The following AFAP1 variants were observed in gnomAD, a reference collection of about 807,000 sequenced individuals.
AFAP1 encodes actin filament associated protein 1, also known as actin filament-associated protein 1.
Under a neutral mutation model 93.9 loss-of-function variants are expected in AFAP1, and 75 were observed. That is an observed-to-expected ratio of 0.80 (90% confidence interval 0.66 to 0.97). AFAP1 has a LOEUF of 0.97. Ranked by LOEUF, AFAP1 falls within the 50% of genes least tolerant of loss-of-function variation. The probability of loss-of-function intolerance (pLI) is 0.00; values close to 1 mark genes in which losing one functional copy is unlikely to be tolerated. For synonymous variants in AFAP1, 517 were observed against 430.7 expected, an observed-to-expected ratio of 1.20 and a Z score of -2.48; for missense variants, 1,201 against 1,050.8, an observed-to-expected ratio of 1.14 and a Z score of -1.98.
chr4:7,851,563 G>A (rs572036989), intron 4 of AFAP1, among the ~76,000 whole-genome samples: 2 of 152,318 alleles, frequency 1.3e-5, no homozygotes, highest in African/African-American at 2.4e-5. Flanking sequence ...TGATACTCGG[G>A]TAAATACCAC....
intron 1 of AFAP1, among the ~76,000 whole-genome samples, chr4:7,914,220 A>AT (rs377657549): frequency 4.6e-5 from 7 of 152,010 alleles, no homozygotes; most frequent in African/African-American, 1.4e-4. Context: ...ACGCCCAGCT[A>AT]ATTTTTGTAT....
chr4:7,872,036 G>A lies in AFAP1; in HGVS notation c.43C>T (p.Leu15=). The A allele has an allele frequency of 6.2e-7, 1 of 1,614,094 alleles. No homozygotes were observed. The highest frequency in any genetic ancestry group is 2.2e-5 in the East Asian group (1 of 44,868). The change falls in exon 2 of 18, where the codon CTG becomes TTG. Residue 15 remains leucine (L), a synonymous_variant. Transcript: ENST00000420658. ...IVELRLFLEL[L]DHEYLTSTVR... Reference sequence around the variant, plus strand: ...GTTGAGGTTAGATATTCATGGTCCAGGAGTTCAAGAAAGAGACGAAGTTCA... The same window carrying A: ...GTTGAGGTTAGATATTCATGGTCCAAGAGTTCAAGAAAGAGACGAAGTTCA...
intron 14 of AFAP1, chr4:7,775,428 C>CG (rs1215244888): frequency 6.5e-6 from 1 of 152,734 alleles, no homozygotes; most frequent in African/African-American, 2.4e-5. Flanking sequence ...ATTCTATAAT[C>CG]GGAAAAGACA....
chr4:7,871,738 G>A (rs1450380542), intron 2 of AFAP1, among the ~76,000 whole-genome samples: 4 of 152,182 alleles, frequency 2.6e-5, no homozygotes, highest in South Asian at 4.1e-4. Context: ...CCCAAAACAC[G>A]ATTCCATTAG....
intron 6 of AFAP1, among the ~76,000 whole-genome samples, chr4:7,827,568 C>A (rs1721535262): frequency 3.0e-4 from 4 of 13,392 alleles, no homozygotes; most frequent in East Asian, 1.0e-3. Context: ...AACTCTGTCT[C>A]CAAAAAAAAA....
At chr4:7,782,005 G>C (rs1189287667) in intron 12 of AFAP1, among the ~76,000 whole-genome samples, 1 of 152,196 alleles carries the variant, frequency 6.6e-6, no homozygotes, top group African/African-American at 2.4e-5. Context: ...CTGGGGTTCA[G>C]AAGTTCTCCT....
In AFAP1 at chr4:7,778,719, T is replaced by G. The variant is rs746125562; in HGVS notation, c.1897+43A>C. ...CTCAGACAGGCCCAGCTCCACCAAG[T>G]GCACTTGAAGCCGGAATGCAAGACA... On this transcript the variant is annotated intron_variant, in intron 14 of 17. Transcript: ENST00000420658. The G allele has an allele frequency of 8.2e-6, 13 of 1,582,390 alleles. No homozygotes were observed. In the Middle Eastern group the frequency reaches 5.0e-4, roughly 61 times the overall value.
intron 15 of AFAP1, 38 bp from the exon 16 acceptor site, chr4:7,773,048 C>T: frequency 6.3e-7 from 1 of 1,586,368 alleles, no homozygotes; most frequent in East Asian, 2.3e-5. Context: ...CCGCGGCAGG[C>T]ACAGGTTCTC....
Position 7,773,002 on chromosome 4 carries a change from G to A in AFAP1, c.2071C>T (p.Pro691Ser), listed in dbSNP as rs1311126342. Residue 691 changes from proline to serine, a missense_variant, in exon 16 of 18, where the codon CCG (proline) becomes TCG (serine). Transcript: ENST00000420658. Reference protein sequence around the residue: ...AAIEVNAGRKPQAILEEKLKQ... With the variant: ...AAIEVNAGRKSQAILEEKLKQ... ...AGCTTCTCCTCCAGGATCGCCTGCG[G>A]CTTCCTGCCTGGAATTCCCAGAAAC... is the stretch of plus-strand genomic sequence containing the variant. 6.2e-7 allele frequency: 1 copy of A among 1,609,172 alleles called. No homozygotes were observed. The highest frequency in any genetic ancestry group is 8.5e-7 in the Non-Finnish European group (1 of 1,179,880).
rs964167698 is a variant in AFAP1 at position 7,759,208 on chromosome 4, C to T, written c.*4557G>A. ...ATCAAAAAGATTATCTCATTAAAAA[C>T]ACCTTTGGTCCTAAGACTTATGATC... On this transcript the variant is annotated 3_prime_UTR_variant, in exon 18 of 18. Transcript: ENST00000420658. The T allele has an allele frequency of 3.3e-5, 5 of 152,650 alleles. No individual in the cohort carries two copies. The highest frequency in any genetic ancestry group is 1.2e-4 in the African/African-American group (5 of 41,450). 9.5% of individuals were successfully genotyped at this position (152,650 alleles called of 1,614,324 possible).
chr4:7,921,356 T>G (rs1461334623), intron 1 of AFAP1, among the ~76,000 whole-genome samples: 1 of 151,772 alleles, frequency 6.6e-6, no homozygotes, highest in African/African-American at 2.4e-5. Context: ...GCTAATTTTT[T>G]TATTTTTAGC....
intron 3 of AFAP1, among the ~76,000 whole-genome samples, chr4:7,860,268 T>C (rs1394376899): frequency 1.3e-5 from 2 of 151,496 alleles, no homozygotes; most frequent in Non-Finnish European, 2.9e-5. Context: ...TTTGATTTTG[T>C]GTGTGTGTGT....
At chr4:7,887,696 T>C (rs903992688) in intron 1 of AFAP1, among the ~76,000 whole-genome samples, 6 of 152,202 alleles carry the variant, frequency 3.9e-5, no homozygotes, top group East Asian at 3.8e-4. Context: ...ACGCATATAC[T>C]CTTACTGGGC....
intron 1 of AFAP1, among the ~76,000 whole-genome samples, chr4:7,927,289 C>G (rs1447408821): frequency 1.3e-5 from 2 of 152,206 alleles, no homozygotes. Flanking sequence ...ATGATAACAG[C>G]TAAGAGCTCC....
rs1427396400 is a variant in AFAP1 at position 7,768,980 on chromosome 4, T to C, written c.2282A>G (p.Glu761Gly). Residue 761 changes from glutamate (E) to glycine (G), a missense_variant, in exon 17 of 18, where the codon GAA becomes GGA. Transcript: ENST00000420658. ...GTCACAGCTGGAGATGGGCGAGTTTTCCAGGGTCCGGTGCCGGAACACTGG... is the reference window on the plus strand; with the variant it reads ...GTCACAGCTGGAGATGGGCGAGTTTCCCAGGGTCCGGTGCCGGAACACTGG... ...QSPVFRHRTL[E>G]NSPISSCDTS... 6 of 1,613,314 alleles carry C rather than the reference T, an allele frequency of 3.7e-6. No individual in the cohort carries two copies. Among genetic ancestry groups the C allele is most frequent in the Non-Finnish European group, 4.2e-6 (5 of 1,179,558 alleles).
At chr4:7,814,358 A>G (rs1040095962) in intron 8 of AFAP1, among the ~76,000 whole-genome samples, 1 of 152,234 alleles carries the variant, frequency 6.6e-6, no homozygotes, top group Non-Finnish European at 1.5e-5. Context: ...AGAAAGAACA[A>G]AACAAAAGTG....
rs201836874 is a variant in AFAP1 at position 7,763,765 on chromosome 4, C to T, written c.2445G>A (p.Ter815=). The T allele has an allele frequency of 2.6e-6, 4 of 1,551,536 alleles. No individual in the cohort carries two copies. The East Asian group carries it at 9.8e-5, about 38-fold the overall frequency. ...AKEWELKNGT[*] ...GAGGCTGGAGTGGTGCTGCTGTCCCCTAGGTCCCGTTCTTCAATTCCCATT... is the reference window on the plus strand; with the variant it reads ...GAGGCTGGAGTGGTGCTGCTGTCCCTTAGGTCCCGTTCTTCAATTCCCATT... The change falls in exon 18 of 18, where the codon TAG becomes TAA. Residue 815 remains the stop codon, a stop_retained_variant. Transcript: ENST00000420658.
intron 11 of AFAP1, among the ~76,000 whole-genome samples, chr4:7,793,173 T>TA (rs5855979): frequency 0.055 from 8,293 of 150,592 alleles, 252 homozygotes; most frequent in Middle Eastern, 0.11. Context: ...TTTTTTTTTT[T>TA]AAAAAAATCA....
At chr4:7,877,085 G>C (rs972632139) in intron 1 of AFAP1, among the ~76,000 whole-genome samples, 22 of 152,132 alleles carry the variant, frequency 1.4e-4, no homozygotes, top group Non-Finnish European at 2.8e-4. Context: ...TGGATACTTA[G>C]TGATCTTAAG....
Sources: allele counts gnomAD v4.1 joint callset (sites outside exome capture counted in the v4.1 genomes callset), GRCh38; gene constraint gnomAD v4.1.1; transcripts MANE v1.5; gene names NCBI Gene and HGNC (gene_info 2026-07-23, HGNC 2026-07-21).